Variants in RTEL1 observed in about 807,000 individuals in gnomAD.
RTEL1 encodes regulator of telomere length.
A neutral mutation model predicts 162.2 loss-of-function variants in RTEL1; 86 were observed. That is an observed-to-expected ratio of 0.53 (90% confidence interval 0.45 to 0.63). RTEL1 has a LOEUF of 0.63. Ranked by LOEUF, RTEL1 falls within the 30% of genes least tolerant of loss-of-function variation. RTEL1 has a pLI of 0.00. For missense variants in RTEL1, 1,941 were observed against 1,750.2 expected (o/e 1.11, Z -1.95); for synonymous variants, 958 against 717.9 (o/e 1.33, Z -5.35).
rs745859562 is a variant in RTEL1 at position 63,695,143 on chromosome 20, C to A, written c.3421C>A (p.Pro1141Thr). 6.2e-7 allele frequency: 1 copy of A among 1,612,342 alleles called. No homozygotes were observed. Among genetic ancestry groups the A allele is most frequent in the African/African-American group, 1.3e-5 (1 of 74,928 alleles). Residue 1141 changes from proline to threonine, a missense_variant, in exon 33 of 35, where the codon CCG becomes ACG. Pro to Thr is a conservative substitution (Grantham distance 38). Transcript: ENST00000360203. ...CACAGACCTGACCGGCCGGCCCTAC[C>A]CGGGCATGGAGCCACCGGGACCCCA... ...TCTDLTGRPYPGMEPPGPQEE... is the reference protein window; with the variant it reads ...TCTDLTGRPYTGMEPPGPQEE...
In RTEL1 at chr20:63,694,939, C is replaced by T. The variant is rs375241519; in HGVS notation, c.3308C>T (p.Thr1103Ile). 3 of 1,612,620 alleles carry T rather than the reference C, an allele frequency of 1.9e-6. No homozygotes were observed. Among genetic ancestry groups the T allele is most frequent in the Non-Finnish European group, 1.7e-6 (2 of 1,179,884 alleles). ...DKVLAVLAAL[T>I]TAKPEDFPLL... ...GTGCTGGCTGTGTTGGCCGCCCTGACCACTGCAAAGCCAGAGGACTTCCCC... is the reference window on the plus strand; with the variant it reads ...GTGCTGGCTGTGTTGGCCGCCCTGATCACTGCAAAGCCAGAGGACTTCCCC... Residue 1103 changes from threonine (T) to isoleucine (I), a missense_variant, in exon 32 of 35, where the codon ACC (threonine) becomes ATC (isoleucine). Transcript: ENST00000360203.
chr20:63,691,887 G>T, intron 28 of RTEL1, 50 bp downstream of exon 28: 1 of 1,505,726 alleles, frequency 6.6e-7, no homozygotes, highest in South Asian at 1.1e-5. Context: ...ACACGCATGG[G>T]AACGCAGCCG....
chr20:63,693,223 T>A lies in RTEL1; in HGVS notation c.2932T>A (p.Tyr978Asn). ...CIQLTGRGCG[Y>N]RPEHSIPRRQ... Reference sequence around the variant, plus strand: ...CCAGCTGACAGGACGAGGCTGTGGCTATCGGCCTGAGCACAGCATTCCCCG... The same window carrying A: ...CCAGCTGACAGGACGAGGCTGTGGCAATCGGCCTGAGCACAGCATTCCCCG... The change falls in exon 30 of 35, where the codon TAT (tyrosine) becomes AAT (asparagine). Residue 978 changes from tyrosine (Y) to asparagine (N), a missense_variant. Coordinates refer to ENST00000360203, the MANE Select transcript of RTEL1 (RefSeq NM_001283009.2). 2.5e-6 allele frequency: 4 copies of A among 1,612,116 alleles called. No homozygotes were observed. The highest frequency in any genetic ancestry group is 3.4e-6 in the Non-Finnish European group (4 of 1,179,516).
intron 7 of RTEL1, 101 bp from the exon 8 acceptor site, chr20:63,667,368 G>T (rs531472955): frequency 3.2e-6 from 3 of 923,290 alleles, no homozygotes; most frequent in Admixed American, 3.4e-5. Flanking sequence ...TGGGCCCTAC[G>T]TGCAGGATGA....
Position 63,693,471 on chromosome 20 carries a change from ACCTCCACCT to A in RTEL1, c.2992+191_2992+199del, listed in dbSNP as rs1568720067. 0.024 allele frequency among the ~76,000 whole-genome samples: 1,311 copies of A among 54,784 alleles called. 277 individuals are homozygous for A. The highest frequency in any genetic ancestry group is 0.039 in the South Asian group (51 of 1,308). 35.9% of individuals were successfully genotyped at this position (54,784 alleles called of 152,430 possible). On this transcript the variant is annotated intron_variant, in intron 30 of 34. Coordinates refer to ENST00000360203, the MANE Select transcript of RTEL1 (RefSeq NM_001283009.2). The stretch of plus-strand genomic sequence containing the variant: ...CAGCACCACCTCCACCTCCACCTCC[ACCTCCACCT>A]CCACCACCACCTCCACCTCCACCAC...
chr20:63,684,638 C>T (rs1203162358), intron 14 of RTEL1, among the ~76,000 whole-genome samples: 1 of 152,036 alleles, frequency 6.6e-6, no homozygotes, highest in Non-Finnish European at 1.5e-5. Flanking sequence ...CCACCGTGCC[C>T]AGCCTGATAT....
chr20:63,691,119 C>T (rs192348832), intron 27 of RTEL1, among the ~76,000 whole-genome samples, 172 bp downstream of exon 27: 2 of 152,108 alleles, frequency 1.3e-5, no homozygotes, highest in Admixed American at 1.3e-4. Context: ...TGTGGGTCCT[C>T]CACCCCACCT....
intron 14 of RTEL1, 135 bp from the exon 15 acceptor site, chr20:63,685,387 TG>T: frequency 1.2e-6 from 1 of 863,908 alleles, no homozygotes; most frequent in Non-Finnish European, 1.8e-6. Context: ...TCCATTGGCC[TG>T]GGGCTGCATG....
At position 63,667,542 on chromosome 20, in the gene RTEL1, T is replaced by C. The variant is rs2090161201; in HGVS notation, c.688T>C (p.Leu230=). The C allele has an allele frequency of 1.2e-6, 2 of 1,613,712 alleles. No homozygotes were observed. Among genetic ancestry groups the C allele is most frequent in the Admixed American group, 3.3e-5 (2 of 60,002 alleles). The change falls in exon 8 of 35, where the codon TTG becomes CTG. Residue 230 remains leucine, a synonymous_variant. Coordinates refer to ENST00000360203, the MANE Select transcript of RTEL1 (RefSeq NM_001283009.2). ...DIIFMPYNYL[L]DAKSRRAHNI... is the part of the protein sequence containing the mutation. ...CATATTCATGCCGTACAATTACTTG[T>C]TGGATGCCAAGGTGGGGGCTCAGTC...
At chr20:63,681,730 G>T in intron 14 of RTEL1, 2 of 985,338 alleles carry the variant, frequency 2.0e-6, no homozygotes, top group Non-Finnish European at 1.2e-6. Flanking sequence ...GGGTGGTGGG[G>T]CCCAGGCTCA....
At chr20:63,690,747 C>T (rs1367534600) in intron 26 of RTEL1, 58 bp from the exon 27 acceptor site, 1 of 1,529,696 alleles carries the variant, frequency 6.5e-7, no homozygotes, top group Non-Finnish European at 8.8e-7. Context: ...TTGCCACAGG[C>T]AGGGACCCCA....
intron 8 of RTEL1, among the ~76,000 whole-genome samples, chr20:63,670,816 C>CAA (rs765965525): frequency 1.9e-4 from 26 of 134,172 alleles, no homozygotes; most frequent in East Asian, 5.0e-4. Flanking sequence ...GACCCCATCT[C>CAA]AAAAAAAAAA....
chr20:63,667,058 C>G (rs1200002784), intron 7 of RTEL1, among the ~76,000 whole-genome samples: 1 of 151,880 alleles, frequency 6.6e-6, no homozygotes, highest in East Asian at 1.9e-4. Context: ...CCAGGATGGT[C>G]TCGATCTTCT....
At chr20:63,665,927 T>C (rs1030007081) in intron 6 of RTEL1, 77 bp from the exon 7 acceptor site, 52 of 1,384,284 alleles carry the variant, frequency 3.8e-5, no homozygotes, top group Admixed American at 9.2e-5. Context: ...GGAGCCGTTC[T>C]GTCCTGGGCA....
At chr20:63,693,606 ACCACCTCCACCT>A (rs2090867752) in intron 30 of RTEL1, among the ~76,000 whole-genome samples, 4 of 11,792 alleles carry the variant, frequency 3.4e-4, no homozygotes, top group Admixed American at 2.0e-3. Flanking sequence ...CTCCACCACC[ACCACCTCCACCT>A]CCACCACCAC....
chr20:63,675,196 C>T lies in RTEL1; in HGVS notation c.919+1103C>T, dbSNP rs146950328. 1.7e-3 allele frequency among the ~76,000 whole-genome samples: 260 copies of T among 152,350 alleles called. 2 individuals carry two copies. The highest frequency in any genetic ancestry group is 5.9e-3 in the African/African-American group (245 of 41,590). ...CTGGGATTACAGGCGTGAGCCGCCA[C>T]GCCCGGCCTTTGTCCATATTTTCTA... On this transcript the variant is annotated intron_variant, in intron 10 of 34. Coordinates refer to ENST00000360203, the MANE Select transcript of RTEL1 (RefSeq NM_001283009.2).
At chr20:63,666,825 T>G (rs1434405609) in intron 7 of RTEL1, among the ~76,000 whole-genome samples, 1 of 136,292 alleles carries the variant, frequency 7.3e-6, no homozygotes, top group East Asian at 2.3e-4. Context: ...ACCCCATGCC[T>G]GGCCAGCTCT....
rs2090190505 is a variant in RTEL1 at position 63,668,757 on chromosome 20, T to C, written c.699+1204T>C. The stretch of plus-strand genomic sequence containing the variant: ...CTTCTAACCCAACCAGGCCCCTCCC[T>C]GGGACAGTTATATCACAGCTGGTAA... On this transcript the variant is annotated intron_variant, in intron 8 of 34. Transcript: ENST00000360203. This position sits in a 1 kb window ranked among gnomAD's most constrained non-coding sequence, Gnocchi z 4.3. 6.6e-6 allele frequency among the ~76,000 whole-genome samples: 1 copy of C among 152,156 alleles called. No individual in the cohort carries two copies. Among genetic ancestry groups the C allele is most frequent in the Non-Finnish European group, 1.5e-5 (1 of 68,020 alleles).
intron 7 of RTEL1, among the ~76,000 whole-genome samples, chr20:63,666,314 G>T (rs2090126113): frequency 6.6e-6 from 1 of 152,256 alleles, no homozygotes; most frequent in African/African-American, 2.4e-5. Flanking sequence ...TGTGGACGGA[G>T]CCCTGCAGGC....
Sources: gnomAD v4.1 joint callset for allele counts (sites outside exome capture counted in the v4.1 genomes callset) on GRCh38, gnomAD v4.1.1 for gene constraint, Gnocchi (gnomAD v3.1) non-coding constraint, MANE v1.5 for transcripts, NCBI Gene and HGNC (gene_info 2026-07-23, HGNC 2026-07-21) for gene names.